The following DLG2 variants were observed in gnomAD, a reference collection of about 807,000 sequenced individuals.
DLG2 encodes disks large homolog 2.
In DLG2, 45 loss-of-function variants were observed where a neutral mutation model predicts 132.5. The ratio of observed to expected loss-of-function variants is 0.34; its 90% confidence interval spans 0.27 to 0.44. The LOEUF (loss-of-function observed/expected upper bound fraction) is 0.44, where lower values mean the gene tolerates loss of function less well. Among genes scored for constraint, DLG2 ranks in the 20% least tolerant of loss-of-function variants. DLG2 has a pLI of 1.00. For synonymous variants in DLG2, 424 were observed against 419.6 expected (o/e 1.01, Z -0.13); for missense variants, 1,045 against 1,196.9 (o/e 0.87, Z 1.87).
chr11:84,720,553 G>T, intron 6 of DLG2: 2 of 910,932 alleles, frequency 2.2e-6, no homozygotes, highest in South Asian at 1.0e-4. Flanking sequence ...CAACGCCGCG[G>T]GCAAGTACCG....
chr11:84,036,063 T>C (rs2095856189), intron 11 of DLG2, among the ~76,000 whole-genome samples: 1 of 152,098 alleles, frequency 6.6e-6, no homozygotes, highest in Admixed American at 6.6e-5. Flanking sequence ...ATATTAAATA[T>C]AAGCATAAAG....
chr11:83,705,106 T>C (rs1006184672), intron 18 of DLG2, among the ~76,000 whole-genome samples: 1 of 152,194 alleles, frequency 6.6e-6, no homozygotes, highest in African/African-American at 2.4e-5. Flanking sequence ...AACAGGAATG[T>C]GATATACCTA....
At chr11:84,271,537 C>G (rs773194614) in intron 7 of DLG2, among the ~76,000 whole-genome samples, 1 of 152,124 alleles carries the variant, frequency 6.6e-6, no homozygotes, top group Non-Finnish European at 1.5e-5. Flanking sequence ...TCAGTAAAGA[C>G]AAAGCTAATA....
chr11:83,630,940 CT>C (rs1022406379), intron 19 of DLG2, among the ~76,000 whole-genome samples: 14 of 152,190 alleles, frequency 9.2e-5, no homozygotes, highest in African/African-American at 3.4e-4. Context: ...CATGATCATC[CT>C]CTTATATTTA....
intron 7 of DLG2, among the ~76,000 whole-genome samples, chr11:84,492,608 G>T (rs1484123300): frequency 6.6e-6 from 1 of 152,142 alleles, no homozygotes; most frequent in African/African-American, 2.4e-5. Context: ...ATAACTCACA[G>T]AAGTAATGTG....
At chr11:83,605,872 A>G (rs2059262874) in intron 19 of DLG2, among the ~76,000 whole-genome samples, 1 of 152,236 alleles carries the variant, frequency 6.6e-6, no homozygotes, top group Non-Finnish European at 1.5e-5. Context: ...TCTGCTATCA[A>G]GCCATGAAAG....
rs545732255 is a variant in DLG2 at position 83,878,204 on chromosome 11, G to T, written c.1497-3716C>A. ...ATGCCCATTTCTCCTACAAAGTCAT[G>T]TGTGCTTTCAGAGCAAAGTATTGGG... On this transcript the variant is annotated intron_variant, in intron 15 of 27. Transcript: ENST00000376104. Among the ~76,000 whole-genome samples, 9 of 152,270 alleles carry T rather than the reference G, an allele frequency of 5.9e-5. No homozygotes were observed. In the East Asian group the frequency reaches 7.7e-4, roughly 13 times the overall value.
chr11:85,415,129 T>C (rs1295051524), intron 3 of DLG2, among the ~76,000 whole-genome samples: 1 of 152,082 alleles, frequency 6.6e-6, no homozygotes, highest in Non-Finnish European at 1.5e-5. Context: ...TCTCTTCCTG[T>C]GTTAATTAGC....
chr11:85,319,339 A>G (rs1313830270), intron 3 of DLG2, among the ~76,000 whole-genome samples: 1 of 151,860 alleles, frequency 6.6e-6, no homozygotes, highest in East Asian at 1.9e-4. Context: ...AAGGTTTAAC[A>G]ATAGTAATCT....
At chr11:85,271,320 T>A (rs940437803) in intron 4 of DLG2, among the ~76,000 whole-genome samples, 1 of 152,234 alleles carries the variant, frequency 6.6e-6, no homozygotes, top group Admixed American at 6.5e-5. Context: ...TTTCAAAGGA[T>A]GTGTGGAAAC....
At chr11:84,975,828 C>A (rs765804369) in intron 6 of DLG2, among the ~76,000 whole-genome samples, 20 of 152,162 alleles carry the variant, frequency 1.3e-4, no homozygotes, top group Non-Finnish European at 2.4e-4. Flanking sequence ...GGTTGATCTG[C>A]ACCTCACTCC....
chr11:85,087,893 C>A (rs927923127), intron 6 of DLG2, among the ~76,000 whole-genome samples: 4 of 137,330 alleles, frequency 2.9e-5, no homozygotes, highest in Admixed American at 1.5e-4. Flanking sequence ...GATTTGAGGA[C>A]ACTGTGTTAA....
intron 6 of DLG2, among the ~76,000 whole-genome samples, chr11:85,079,652 C>T (rs1412728518): frequency 6.6e-6 from 1 of 152,112 alleles, no homozygotes; most frequent in African/African-American, 2.4e-5. Flanking sequence ...GGCCAAGTGA[C>T]TTTGAGCCAA....
intron 9 of DLG2, among the ~76,000 whole-genome samples, chr11:84,144,439 T>C (rs1246863844): frequency 6.6e-6 from 1 of 152,146 alleles, no homozygotes; most frequent in Non-Finnish European, 1.5e-5. Flanking sequence ...TAAGTAAGAA[T>C]CATGGAATTT....
At chr11:85,138,747 T>C (rs976588399) in intron 5 of DLG2, among the ~76,000 whole-genome samples, 1 of 150,670 alleles carries the variant, frequency 6.6e-6, no homozygotes, top group East Asian at 2.0e-4. Flanking sequence ...CATTTTCTCA[T>C]ACTGTCACCA....
chr11:85,474,635 T>A (rs1192819280), intron 3 of DLG2, among the ~76,000 whole-genome samples: 1 of 151,926 alleles, frequency 6.6e-6, no homozygotes, highest in Non-Finnish European at 1.5e-5. Context: ...AGCAACTGTA[T>A]CCAATAGACC....
chr11:85,354,903 G>A (rs1040422218), intron 3 of DLG2, among the ~76,000 whole-genome samples: 1 of 151,330 alleles, frequency 6.6e-6, no homozygotes, highest in Non-Finnish European at 1.5e-5. Flanking sequence ...ATTAACTCTT[G>A]TCTCTTCGTT....
At chr11:84,066,021 T>A (rs78878344) in intron 10 of DLG2, among the ~76,000 whole-genome samples, 1 of 151,796 alleles carries the variant, frequency 6.6e-6, no homozygotes, top group Non-Finnish European at 1.5e-5. Flanking sequence ...AAACTTGGAG[T>A]ACGTATGGAC....
Position 84,100,399 on chromosome 11 carries a change from A to T in DLG2, c.625-1352T>A, listed in dbSNP as rs1245373586. 2.7e-5 allele frequency among the ~76,000 whole-genome samples: 4 copies of T among 150,182 alleles called. No individual in the cohort carries two copies. In the Admixed American group the frequency reaches 2.7e-4, roughly 10 times the overall value. Reference sequence around the variant, plus strand: ...AAAAGTCCCCCCAAATCCACAAACCATATTGTTTATTTCTTATTTCTATAG... The same window carrying T: ...AAAAGTCCCCCCAAATCCACAAACCTTATTGTTTATTTCTTATTTCTATAG... On this transcript the variant is annotated intron_variant, in intron 9 of 27. Coordinates refer to ENST00000376104, the MANE Select transcript of DLG2 (RefSeq NM_001142699.3).
Sources: gnomAD v4.1 joint callset for allele counts (sites outside exome capture counted in the v4.1 genomes callset) on GRCh38, gnomAD v4.1.1 for gene constraint, MANE v1.5 for transcripts, NCBI Gene and HGNC (gene_info 2026-07-23, HGNC 2026-07-21) for gene names.